The following TLL2 variants were observed in gnomAD, a reference collection of about 807,000 sequenced individuals.
TLL2 encodes tolloid like 2.
Under a neutral mutation model 123.0 loss-of-function variants are expected in TLL2, and 106 were observed. The ratio of observed to expected loss-of-function variants is 0.86; its 90% CI spans 0.74 to 1.01. TLL2 has a LOEUF of 1.01. Among genes scored for constraint, TLL2 ranks in the 50% least tolerant of loss-of-function variants. TLL2 has a pLI of 0.00. For synonymous variants in TLL2, 494 were observed against 516.8 expected (o/e 0.96, Z 0.60); for missense variants, 1,332 against 1,336.7 (o/e 1.00, Z 0.06).
At chr10:96,423,478 A>AT (rs568910373) in intron 5 of TLL2, among the ~76,000 whole-genome samples, 5 of 152,088 alleles carry the variant, frequency 3.3e-5, no homozygotes, top group Non-Finnish European at 1.5e-5. Context: ...GGGCACAATC[A>AT]TTTTTTTCAA....
intron 18 of TLL2, among the ~76,000 whole-genome samples, chr10:96,374,856 C>G (rs1440074164): frequency 1.3e-5 from 2 of 151,814 alleles, no homozygotes; most frequent in South Asian, 4.1e-4. Flanking sequence ...AGGTGGCCGA[C>G]TGATGGGAGC....
At chr10:96,408,334 T>C (rs1032859628) in intron 9 of TLL2, among the ~76,000 whole-genome samples, 1 of 152,226 alleles carries the variant, frequency 6.6e-6, no homozygotes. Context: ...CAAGAGGTGA[T>C]ACTCGAATCA....
chr10:96,372,487 T>A (rs932659729), intron 19 of TLL2, among the ~76,000 whole-genome samples: 2 of 152,226 alleles, frequency 1.3e-5, no homozygotes, highest in African/African-American at 4.8e-5. Flanking sequence ...AACATTTTAA[T>A]GGCTAAAGAG....
At chr10:96,386,689 T>C (rs535005463) in intron 14 of TLL2, among the ~76,000 whole-genome samples, 4 of 152,350 alleles carry the variant, frequency 2.6e-5, no homozygotes, top group South Asian at 4.1e-4. Flanking sequence ...TTAATAATCA[T>C]GTCAATTTCA....
intron 10 of TLL2, among the ~76,000 whole-genome samples, chr10:96,398,727 T>C (rs1366608487): frequency 2.0e-5 from 3 of 152,108 alleles, no homozygotes; most frequent in Admixed American, 2.0e-4. Flanking sequence ...AGCCACGGTC[T>C]ATTTGGACTG....
intron 2 of TLL2, among the ~76,000 whole-genome samples, chr10:96,476,774 C>G (rs10882797): frequency 0.11 from 16,510 of 151,756 alleles, 998 homozygotes; most frequent in South Asian, 0.18. Context: ...TGCTGCATGA[C>G]AAGATGTCCA....
At position 96,460,994 on chromosome 10, in the gene TLL2, C is replaced by G. The variant is rs573810303; in HGVS notation, c.287-14826G>C. ...GAAATCAATTTCTGTCATTTATCAG[C>G]CACCTAGTCTATGACATTCTGTTAC... On this transcript the variant is annotated intron_variant, in intron 2 of 20. Transcript: ENST00000357947. Among the ~76,000 whole-genome samples the G allele has an allele frequency of 2.0e-5, 3 of 152,286 alleles. No homozygotes were observed. The East Asian group carries it at 5.8e-4, about 29-fold the overall frequency.
intron 4 of TLL2, among the ~76,000 whole-genome samples, chr10:96,430,572 T>C (rs373626697): frequency 6.6e-6 from 1 of 152,202 alleles, no homozygotes; most frequent in Non-Finnish European, 1.5e-5. Flanking sequence ...CCCAAAAACA[T>C]TCATATAGAA....
intron 2 of TLL2, among the ~76,000 whole-genome samples, chr10:96,459,685 AAAAAAAAAAAAAAAAAAAAAAT>A (rs1217009425): frequency 3.4e-4 from 20 of 58,208 alleles, no homozygotes; most frequent in African/African-American, 1.1e-3. Context: ...AAAAAAAAAA[AAAAAAAAAAAAAAAAAAAAAAT>A]ATATATATAT....
intron 2 of TLL2, among the ~76,000 whole-genome samples, chr10:96,459,616 A>G (rs1253416613): frequency 7.1e-6 from 1 of 141,762 alleles, no homozygotes; most frequent in Non-Finnish European, 1.5e-5. Flanking sequence ...GTTGCAGTCA[A>G]CCAAAATTGT....
chr10:96,477,434 G>A (rs1847270549), intron 2 of TLL2, among the ~76,000 whole-genome samples: 1 of 150,592 alleles, frequency 6.6e-6, no homozygotes, highest in Non-Finnish European at 1.5e-5. Context: ...CTGCAGCCTC[G>A]ATCTCCCAGG....
Position 96,513,429 on chromosome 10 carries a change from G to C in TLL2, c.175+82C>G, listed in dbSNP as rs540045613. 1.5e-5 allele frequency: 23 copies of C among 1,565,238 alleles called. No individual in the cohort carries two copies. The African/African-American group carries it at 2.7e-4, about 19-fold the overall frequency. Reference sequence around the variant, plus strand: ...GAGGGGAGGGGAGACCCGCCCCATAGACGGTAGTGCAGGCTTGCCCACCAC... The same window carrying C: ...GAGGGGAGGGGAGACCCGCCCCATACACGGTAGTGCAGGCTTGCCCACCAC... On this transcript the variant is annotated intron_variant, in intron 1 of 20. Transcript: ENST00000357947.
At chr10:96,378,877 C>T (rs932810086) in intron 17 of TLL2, 90 bp downstream of exon 17, 39 of 1,537,636 alleles carry the variant, frequency 2.5e-5, no homozygotes, top group African/African-American at 9.5e-5. Context: ...AGGTCCTCGC[C>T]GCACCTCCTT....
intron 13 of TLL2, among the ~76,000 whole-genome samples, chr10:96,387,492 G>T (rs1231358143): frequency 6.6e-6 from 1 of 152,168 alleles, no homozygotes; most frequent in African/African-American, 2.4e-5. Flanking sequence ...TAAATAAAGG[G>T]TGAAGACAAA....
At chr10:96,477,029 G>A (rs1012454893) in intron 2 of TLL2, among the ~76,000 whole-genome samples, 1 of 86,830 alleles carries the variant, frequency 1.2e-5, no homozygotes, top group East Asian at 5.1e-4. Flanking sequence ...ATGAGCTACT[G>A]GACTTTTTTT....
chr10:96,396,581 C>CTTTTTTTTTT (rs1177349566), intron 11 of TLL2, among the ~76,000 whole-genome samples: 1 of 125,394 alleles, frequency 8.0e-6, no homozygotes, highest in Non-Finnish European at 1.7e-5. Flanking sequence ...TTTCCCCTTT[C>CTTTTTTTTTT]TTTTTTTTTT....
At chr10:96,414,722 G>A (rs1033028207) in intron 7 of TLL2, among the ~76,000 whole-genome samples, 1 of 151,940 alleles carries the variant, frequency 6.6e-6, no homozygotes, top group African/African-American at 2.4e-5. Flanking sequence ...TATATCCAAC[G>A]TGCTCAAAAC....
At chr10:96,374,277 C>G (rs1222847218) in intron 18 of TLL2, 1 of 182,966 alleles carries the variant, frequency 5.5e-6, no homozygotes, top group Non-Finnish European at 1.1e-5. Context: ...ATCTTTACAC[C>G]CCTGTGATGT....
rs192554214 is a variant in TLL2 at position 96,462,976 on chromosome 10, C to G, written c.287-16808G>C. On this transcript the variant is annotated intron_variant, in intron 2 of 20. Transcript: ENST00000357947. ...AAGAAGGCAGATCATCCGGCCTCAG[C>G]TGGGAACATGCAAATTGGGAGACTC... Among the ~76,000 whole-genome samples the G allele has an allele frequency of 1.5e-3, 234 of 152,358 alleles. 2 individuals carry two copies. Among genetic ancestry groups the G allele is most frequent in the Non-Finnish European group, 2.4e-3 (166 of 68,040 alleles).
Sources: gnomAD v4.1 joint callset for allele counts (sites outside exome capture counted in the v4.1 genomes callset) on GRCh38, gnomAD v4.1.1 for gene constraint, MANE v1.5 for transcripts, NCBI Gene and HGNC (gene_info 2026-07-23, HGNC 2026-07-21) for gene names.